PCDH15: variants seen among roughly 807,000 people sequenced by gnomAD.
PCDH15 encodes the protein protocadherin-15.
PCDH15 carries 129 observed loss-of-function variants against 178.5 expected under a neutral mutation model. The ratio of observed to expected loss-of-function variants is 0.72; its 90% CI spans 0.63 to 0.84. PCDH15 has a LOEUF of 0.84. PCDH15 is among the 40% of genes least tolerant of loss of function. The pLI is 0.00. For missense variants in PCDH15, 2,230 were observed against 2,099.9 expected (o/e 1.06, Z -1.21); for synonymous variants, 800 against 732.0 (o/e 1.09, Z -1.50).
intron 2 of PCDH15, among the ~76,000 whole-genome samples, chr10:55,409,579 T>C (rs1345096097): frequency 6.6e-6 from 1 of 152,172 alleles, no homozygotes; most frequent in Non-Finnish European, 1.5e-5. Flanking sequence ...GGTGCTCATA[T>C]GGTAGATCAC....
chr10:54,604,163 T>C (rs1426084315), intron 2 of PCDH15, among the ~76,000 whole-genome samples: 2 of 152,044 alleles, frequency 1.3e-5, no homozygotes, highest in East Asian at 3.9e-4. Context: ...ACAGTTTCTA[T>C]CATCTTAAAG....
At chr10:53,960,551 T>C (rs571501450) in intron 22 of PCDH15, among the ~76,000 whole-genome samples, 15 of 152,236 alleles carry the variant, frequency 9.9e-5, no homozygotes, top group Non-Finnish European at 2.1e-4. Context: ...TTTAATAACC[T>C]ACATTACATC....
chr10:54,110,777 G>A (rs1048575693), intron 15 of PCDH15, among the ~76,000 whole-genome samples: 3 of 152,128 alleles, frequency 2.0e-5, no homozygotes, highest in Admixed American at 6.5e-5. Context: ...CAGAGACGAA[G>A]ATGACATTTT....
chr10:55,426,990 G>C (rs1024943424), intron 2 of PCDH15, among the ~76,000 whole-genome samples: 2 of 151,872 alleles, frequency 1.3e-5, no homozygotes, highest in African/African-American at 4.8e-5. Flanking sequence ...GGGTACATCA[G>C]GCCATGGATT....
At chr10:55,023,912 T>C (rs1840404469) in intron 2 of PCDH15, among the ~76,000 whole-genome samples, 1 of 149,756 alleles carries the variant, frequency 6.7e-6, no homozygotes, top group Non-Finnish European at 1.5e-5. Context: ...TGAGTGTGTG[T>C]CTGTATACAT....
chr10:54,174,521 C>CA (rs957388911), intron 13 of PCDH15, among the ~76,000 whole-genome samples: 5 of 144,726 alleles, frequency 3.5e-5, no homozygotes, highest in East Asian at 2.0e-4. Context: ...GGCGACAGAG[C>CA]AAAAAAAAGA....
chr10:54,617,863 C>T (rs1482731698), intron 2 of PCDH15, among the ~76,000 whole-genome samples: 4 of 148,626 alleles, frequency 2.7e-5, no homozygotes, highest in Non-Finnish European at 5.9e-5. Flanking sequence ...AGGCAGAGAT[C>T]GCACTGAGCT....
At chr10:53,876,198 G>T (rs10825142) in intron 26 of PCDH15, among the ~76,000 whole-genome samples, 32 of 145,498 alleles carry the variant, frequency 2.2e-4, no homozygotes, top group East Asian at 6.1e-4. Flanking sequence ...TTGTTTTTTT[G>T]TTTTTTTTTT....
chr10:55,056,391 T>C (rs1048542217), intron 2 of PCDH15, among the ~76,000 whole-genome samples: 2 of 152,050 alleles, frequency 1.3e-5, no homozygotes, highest in Non-Finnish European at 2.9e-5. Flanking sequence ...TCAGAATACC[T>C]TGTAAGTTTT....
chr10:55,295,875 A>G (rs1843119175), intron 1 of PCDH15, among the ~76,000 whole-genome samples: 3 of 152,038 alleles, frequency 2.0e-5, no homozygotes, highest in Admixed American at 2.0e-4. Flanking sequence ...GCTCAGCCTC[A>G]CAACATTTCC....
intron 2 of PCDH15, among the ~76,000 whole-genome samples, chr10:55,590,402 T>A (rs1030104377): frequency 2.0e-5 from 3 of 151,804 alleles, no homozygotes; most frequent in African/African-American, 7.3e-5. Flanking sequence ...GCATGGCACA[T>A]GTATACATAT....
chr10:53,968,854 C>T (rs1365292327), intron 21 of PCDH15, among the ~76,000 whole-genome samples: 2 of 152,164 alleles, frequency 1.3e-5, no homozygotes, highest in African/African-American at 4.8e-5. Context: ...ATCTGTACAT[C>T]ACCATCATCA....
At chr10:54,840,813 A>T (rs953250362) in intron 3 of PCDH15, among the ~76,000 whole-genome samples, 1 of 151,772 alleles carries the variant, frequency 6.6e-6, no homozygotes, top group Non-Finnish European at 1.5e-5. Context: ...CTTGTAGTCA[A>T]AATCTGTCAT....
intron 21 of PCDH15, among the ~76,000 whole-genome samples, chr10:53,972,461 T>C (rs1430984052): frequency 6.6e-6 from 1 of 152,054 alleles, no homozygotes; most frequent in African/African-American, 2.4e-5. Flanking sequence ...ACTAAAGAGC[T>C]TCTGCACAGC....
intron 2 of PCDH15, among the ~76,000 whole-genome samples, chr10:55,088,358 T>C (rs1406265194): frequency 3.3e-5 from 5 of 151,932 alleles, no homozygotes. Context: ...AACCTCCGCC[T>C]CCCAAGTTTA....
rs1590178134 is a variant in PCDH15, at chr10:54,060,321, C to A, written c.2220+6436G>T. ...AGAACAGTACTTCCATTAAAATGTT[C>A]TCTAAATATGGTAATATTAGGCAAA... On this transcript the variant is annotated intron_variant, in intron 18 of 37. Transcript: ENST00000644397. Among the ~76,000 whole-genome samples, 3 of 152,252 alleles carry A rather than the reference C, an allele frequency of 2.0e-5. No individual in the cohort carries two copies. In the South Asian group the frequency reaches 6.2e-4, roughly 32 times the overall value.
chr10:54,443,456 C>T (rs10825332), intron 3 of PCDH15, among the ~76,000 whole-genome samples: 61,309 of 150,806 alleles, frequency 0.41, 14,357 homozygotes, highest in Non-Finnish European at 0.55. Flanking sequence ...CACTTAGATA[C>T]ATTATTCATG....
intron 1 of PCDH15, among the ~76,000 whole-genome samples, chr10:54,673,263 CCT>C (rs1013713357): frequency 7.9e-5 from 12 of 151,954 alleles, no homozygotes; most frequent in African/African-American, 2.9e-4. Flanking sequence ...GTGATGTTCC[CCT>C]CTCTGTGTCC....
At chr10:55,264,197 C>A (rs901375320) in intron 1 of PCDH15, among the ~76,000 whole-genome samples, 1 of 152,170 alleles carries the variant, frequency 6.6e-6, no homozygotes, top group African/African-American at 2.4e-5. Flanking sequence ...CCTTTTCAAT[C>A]CGAAGCTCGA....
Sources: gnomAD v4.1 joint callset for allele counts (sites outside exome capture counted in the v4.1 genomes callset) on GRCh38, gnomAD v4.1.1 for gene constraint, MANE v1.5 for transcripts, NCBI Gene and HGNC (gene_info 2026-07-23, HGNC 2026-07-21) for gene names.